The following FHL3 variants were observed in gnomAD, a reference collection of about 807,000 sequenced individuals.
FHL3 encodes the protein four and a half LIM domains 3, also known as four and a half LIM domains protein 3.
Under a neutral mutation model 34.3 loss-of-function variants are expected in FHL3, and 21 were observed. The observed-to-expected ratio is 0.61, with a 90% CI of 0.43 to 0.88. The LOEUF is 0.88. Ranked by LOEUF, FHL3 falls within the 40% of genes least tolerant of loss-of-function variation. The probability of loss-of-function intolerance (pLI) is 0.00; values close to 1 mark genes in which losing one functional copy is unlikely to be tolerated. For missense variants in FHL3, 333 were observed against 373.7 expected, an observed-to-expected ratio of 0.89 and a Z score of 0.90; for synonymous variants, 137 against 144.6, an observed-to-expected ratio of 0.95 and a Z score of 0.38.
In FHL3 at chr1:37,997,927, CCTCA is replaced by C. The variant is rs756167023; in HGVS notation, c.501+32_501+35del. 3.5e-4 allele frequency: 571 copies of C among 1,613,764 alleles called. No individual in the cohort carries two copies. Among genetic ancestry groups the C allele is most frequent in the Non-Finnish European group, 4.5e-4 (533 of 1,179,908 alleles). On this transcript the variant is annotated intron_variant, in intron 4 of 5. Coordinates refer to ENST00000373016, the MANE Select transcript of FHL3 (RefSeq NM_004468.5). This position sits in a 1 kb window ranked among gnomAD's most constrained non-coding sequence, Gnocchi z 4.3. Reference sequence around the variant, plus strand: ...GTGGGGATTCCCACCCCACAACAGGCCTCACTCACCCCCACCTGGCTGGCCCAGC... The same window carrying C: ...GTGGGGATTCCCACCCCACAACAGGCCTCACCCCCACCTGGCTGGCCCAGC...
In FHL3 at chr1:37,997,236, T is replaced by G; in HGVS notation, c.*169A>C. 1 of 705,482 alleles carries G rather than the reference T, an allele frequency of 1.4e-6. No homozygotes were observed. The highest frequency in any genetic ancestry group is 2.4e-6 in the Non-Finnish European group (1 of 419,772). 43.7% of individuals were successfully genotyped at this position (705,482 alleles called of 1,614,324 possible). On this transcript the variant is annotated 3_prime_UTR_variant, in exon 6 of 6. Coordinates refer to ENST00000373016, the MANE Select transcript of FHL3 (RefSeq NM_004468.5). The surrounding 1 kb of genome is among the most constrained non-coding windows in gnomAD (Gnocchi z 4.3). ...CTGTAAGAGCCCAGGTTTGGGGCCC[T>G]GGGTCAGGGAGTACCAGTTTGGGGA...
chr1:38,005,167 C>T (rs1646631919), intron 1 of FHL3, among the ~76,000 whole-genome samples, 190 bp downstream of exon 1: 1 of 151,822 alleles, frequency 6.6e-6, no homozygotes, highest in African/African-American at 2.4e-5. Context: ...GCCCGATAGC[C>T]CGGAGGGGTC....
Position 37,997,655 on chromosome 1 carries a change from C to T in FHL3, c.688+29G>A. On this transcript the variant is annotated intron_variant, in intron 5 of 5. Coordinates refer to ENST00000373016, the MANE Select transcript of FHL3 (RefSeq NM_004468.5). This position sits in a 1 kb window ranked among gnomAD's most constrained non-coding sequence, Gnocchi z 4.3. ...ATCCCACTCCCTTGCCTGCACCCTA[C>T]CCACTCCGTTCTTTGACCCTTGTCC... The T allele has an allele frequency of 1.2e-6, 2 of 1,613,326 alleles. No individual in the cohort carries two copies. The highest frequency in any genetic ancestry group is 1.7e-6 in the Non-Finnish European group (2 of 1,179,494).
rs1646542693 is a variant in FHL3, at chr1:37,997,234, C to T, written c.*171G>A. 1.4e-6 allele frequency: 1 copy of T among 694,234 alleles called. No homozygotes were observed. The highest frequency in any genetic ancestry group is 2.6e-5 in the East Asian group (1 of 38,226). The allele number at this position is 694,234 out of a possible 1,614,324, so 43.0% of individuals were successfully genotyped here. ...CTCTGTAAGAGCCCAGGTTTGGGGC[C>T]CTGGGTCAGGGAGTACCAGTTTGGG... On this transcript the variant is annotated 3_prime_UTR_variant, in exon 6 of 6. Transcript: ENST00000373016. The surrounding 1 kb of genome is among the most constrained non-coding windows in gnomAD (Gnocchi z 4.3).
In FHL3 at chr1:37,999,237, TG is replaced by T; in HGVS notation, c.156+19del. On this transcript the variant is annotated intron_variant, in intron 2 of 5. Transcript: ENST00000373016. ...CACTGGTCACCACCCACCTCCTGCCTGGCCTGGCCCTCTCCTTACCCTCGAG... is the reference window on the plus strand; with the variant it reads ...CACTGGTCACCACCCACCTCCTGCCTGCCTGGCCCTCTCCTTACCCTCGAG... 1 of 1,614,084 alleles carries T rather than the reference TG, an allele frequency of 6.2e-7. No homozygotes were observed.
In FHL3 at chr1:38,005,498, G is replaced by C. The variant is rs928195966; in HGVS notation, c.-162C>G. On this transcript the variant is annotated 5_prime_UTR_variant, in exon 1 of 6. Transcript: ENST00000373016. ...GCCGGCGAGGCTGCCGACTGCAGAC[G>C]GACCGTGTGGGCGAGTGGGAGCGCG... 1.3e-5 allele frequency: 2 copies of C among 150,544 alleles called. No individual in the cohort carries two copies. Among genetic ancestry groups the C allele is most frequent in the Admixed American group, 6.6e-5 (1 of 15,150 alleles). 9.3% of individuals were successfully genotyped at this position (150,544 alleles called of 1,614,324 possible).
In FHL3 at chr1:37,999,260, C is replaced by A; in HGVS notation, c.153G>T (p.Ser51=). ...AECQQLIGHD[S]RELFYEDRHF... is the part of the protein sequence containing the mutation. The stretch of plus-strand genomic sequence containing the variant: ...CCTGGCCTGGCCCTCTCCTTACCCT[C>A]GAGTCATGCCCGATAAGCTGCTGGC... The change falls in exon 2 of 6, where the codon TCG becomes TCT. Residue 51 remains serine (S), a synonymous_variant. Transcript: ENST00000373016. The A allele has an allele frequency of 6.2e-7, 1 of 1,614,218 alleles. No individual in the cohort carries two copies. Among genetic ancestry groups the A allele is most frequent in the Non-Finnish European group, 8.5e-7 (1 of 1,180,034 alleles).
At chr1:37,998,811 C>A in intron 3 of FHL3, 163 bp downstream of exon 3, 1 of 686,398 alleles carries the variant, frequency 1.5e-6, no homozygotes, top group Non-Finnish European at 2.5e-6. Flanking sequence ...TAGTAGCCCC[C>A]AGGAGTATAC....
chr1:38,001,002 G>A (rs989071541), intron 1 of FHL3, among the ~76,000 whole-genome samples: 1 of 152,182 alleles, frequency 6.6e-6, no homozygotes, highest in Non-Finnish European at 1.5e-5. Context: ...TCCACCCCCA[G>A]TGCGAAATTC....
intron 3 of FHL3, among the ~76,000 whole-genome samples, chr1:37,998,350 A>G (rs1646557119): frequency 6.6e-6 from 1 of 152,112 alleles, no homozygotes; most frequent in Non-Finnish European, 1.5e-5. Context: ...GTTTTGGCCT[A>G]TGTTAAGCCC....
chr1:38,002,740 G>A (rs72930823), intron 1 of FHL3, among the ~76,000 whole-genome samples: 4,308 of 150,802 alleles, frequency 0.029, 218 homozygotes, highest in African/African-American at 0.099. Context: ...GGAGAGTTTC[G>A]CCATGTTGGC....
intron 3 of FHL3, 24 bp downstream of exon 3, chr1:37,998,950 C>G (rs1646563996): frequency 6.2e-7 from 1 of 1,607,922 alleles, no homozygotes; most frequent in Non-Finnish European, 8.5e-7. Flanking sequence ...AGTTCTCACA[C>G]AAGATGAGCC....
At chr1:38,003,471 TG>T (rs1646615015) in intron 1 of FHL3, among the ~76,000 whole-genome samples, 1 of 152,284 alleles carries the variant, frequency 6.6e-6, no homozygotes, top group African/African-American at 2.4e-5. Context: ...CCCAGGCCCA[TG>T]GGGCTTGCTG....
At chr1:38,005,018 C>T (rs1646629310) in intron 1 of FHL3, among the ~76,000 whole-genome samples, 1 of 152,168 alleles carries the variant, frequency 6.6e-6, no homozygotes, top group African/African-American at 2.4e-5. Context: ...CTCGGTCTCT[C>T]GCTCCACCGG....
At chr1:37,999,578 C>G in intron 1 of FHL3, 146 bp from the exon 2 acceptor site, 1 of 703,526 alleles carries the variant, frequency 1.4e-6, no homozygotes, top group African/African-American at 1.8e-5. Context: ...GGAAGGGGTG[C>G]TTCTGGGAAA....
In FHL3 at chr1:37,997,935, A is replaced by C. The variant is rs746620576; in HGVS notation, c.501+28T>G. ...TCCCACCCCACAACAGGCCTCACTC[A>C]CCCCCACCTGGCTGGCCCAGCCCCC... On this transcript the variant is annotated intron_variant, in intron 4 of 5. Coordinates refer to ENST00000373016, the MANE Select transcript of FHL3 (RefSeq NM_004468.5). This position sits in a 1 kb window ranked among gnomAD's most constrained non-coding sequence, Gnocchi z 4.3. The C allele has an allele frequency of 4.3e-6, 7 of 1,613,188 alleles. No homozygotes were observed. The highest frequency in any genetic ancestry group is 5.9e-6 in the Non-Finnish European group (7 of 1,179,760).
In FHL3 at chr1:37,997,680, C is replaced by G. The variant is rs1279621367; in HGVS notation, c.688+4G>C. 6.2e-7 allele frequency: 1 copy of G among 1,613,836 alleles called. No individual in the cohort carries two copies. The highest frequency in any genetic ancestry group is 8.5e-7 in the Non-Finnish European group (1 of 1,179,902). ...CCCACTCCGTTCTTTGACCCTTGTC[C>G]CACCTACGATGGGGCGCTTGCAGCT... is the stretch of plus-strand genomic sequence containing the variant. On this transcript the variant is annotated splice_donor_region_variant and intron_variant, in intron 5 of 5. Transcript: ENST00000373016. The surrounding 1 kb of genome is among the most constrained non-coding windows in gnomAD (Gnocchi z 4.3).
At chr1:38,000,734 CT>C (rs1383413421) in intron 1 of FHL3, among the ~76,000 whole-genome samples, 1 of 152,168 alleles carries the variant, frequency 6.6e-6, no homozygotes, top group Non-Finnish European at 1.5e-5. Context: ...ATTCCAGTCT[CT>C]AGCCCCAAAG....
At chr1:38,000,785 G>C (rs565035142) in intron 1 of FHL3, among the ~76,000 whole-genome samples, 1 of 152,224 alleles carries the variant, frequency 6.6e-6, no homozygotes, top group South Asian at 2.1e-4. Context: ...CATGAAGGCT[G>C]CTCTCTAAGG....
Sources: gnomAD v4.1 joint callset for allele counts (sites outside exome capture counted in the v4.1 genomes callset) on GRCh38, gnomAD v4.1.1 for gene constraint, Gnocchi (gnomAD v3.1) non-coding constraint, MANE v1.5 for transcripts, NCBI Gene and HGNC (gene_info 2026-07-23, HGNC 2026-07-21) for gene names.